The following EYS variants were observed in gnomAD, a reference collection of about 807,000 sequenced individuals.
EYS encodes protein eyes shut homolog.
A neutral mutation model predicts 282.1 loss-of-function variants in EYS; 250 were observed. The ratio of observed to expected loss-of-function variants is 0.89; its 90% CI spans 0.80 to 0.98. The LOEUF (loss-of-function observed/expected upper bound fraction) is 0.98, where lower values mean the gene tolerates loss of function less well. Ranked by LOEUF, EYS falls within the 50% of genes least tolerant of loss-of-function variation. EYS has a pLI of 0.00. For synonymous variants in EYS, 1,355 were observed against 1,282.9 expected, an observed-to-expected ratio of 1.06 and a Z score of -1.20; for missense variants, 4,016 against 3,709.0, an observed-to-expected ratio of 1.08 and a Z score of -2.15.
intron 12 of EYS, among the ~76,000 whole-genome samples, chr6:65,172,937 T>G (rs1765139194): frequency 6.6e-6 from 1 of 150,898 alleles, no homozygotes; most frequent in South Asian, 2.1e-4. Context: ...CAAATTTGTG[T>G]TGCACTGGTT....
At chr6:65,091,332 C>T (rs1384119582) in intron 12 of EYS, among the ~76,000 whole-genome samples, 1 of 149,720 alleles carries the variant, frequency 6.7e-6, no homozygotes, top group Non-Finnish European at 1.5e-5. Context: ...CACCTGTAAT[C>T]CCAGCTACTC....
rs577968748 is a variant in EYS, at chr6:64,920,075, AT to A, written c.2382-7333del. 1.3e-3 allele frequency among the ~76,000 whole-genome samples: 195 copies of A among 144,824 alleles called. 1 individual carries two copies. Among genetic ancestry groups the A allele is most frequent in the Admixed American group, 3.5e-3 (50 of 14,420 alleles). On this transcript the variant is annotated intron_variant, in intron 15 of 42. Transcript: ENST00000503581. Reference sequence around the variant, plus strand: ...GATGCCATATAGTGAGATTAGTTTCATTTTTTTTTTTTGTCATTGTGGTCAT... The same window carrying A: ...GATGCCATATAGTGAGATTAGTTTCATTTTTTTTTTTGTCATTGTGGTCAT...
At chr6:65,087,561 A>T (rs1323010495) in intron 12 of EYS, among the ~76,000 whole-genome samples, 1 of 152,088 alleles carries the variant, frequency 6.6e-6, no homozygotes, top group African/African-American at 2.4e-5. Flanking sequence ...ATTAATTGGA[A>T]GACTCAGCTG....
intron 30 of EYS, among the ~76,000 whole-genome samples, chr6:64,293,135 A>C (rs1185303778): frequency 2.6e-5 from 4 of 152,128 alleles, no homozygotes; most frequent in Non-Finnish European, 5.9e-5. Flanking sequence ...CAGAATTTGC[A>C]CATGGAATAA....
At chr6:64,793,372 A>G (rs1159462153) in intron 22 of EYS, among the ~76,000 whole-genome samples, 2 of 152,156 alleles carry the variant, frequency 1.3e-5, no homozygotes, top group East Asian at 3.8e-4. Flanking sequence ...AAAATTAAGT[A>G]TGACCTGGGA....
chr6:65,413,749 G>T (rs932809480), intron 5 of EYS, among the ~76,000 whole-genome samples: 10 of 151,888 alleles, frequency 6.6e-5, no homozygotes, highest in African/African-American at 2.4e-4. Flanking sequence ...CCTGCTACTC[G>T]GAAGGCTGAG....
intron 30 of EYS, among the ~76,000 whole-genome samples, chr6:64,258,456 A>G (rs553873536): frequency 1.3e-5 from 2 of 152,192 alleles, no homozygotes; most frequent in African/African-American, 4.8e-5. Context: ...ACTTTGTGCT[A>G]TAGCATGTTA....
intron 26 of EYS, among the ~76,000 whole-genome samples, chr6:64,568,764 C>T (rs757974848): frequency 6.6e-6 from 1 of 152,032 alleles, no homozygotes; most frequent in African/African-American, 2.4e-5. Flanking sequence ...CCTCTTTAGA[C>T]GAAGCTTCCA....
At chr6:64,170,033 A>G (rs979050502) in intron 31 of EYS, among the ~76,000 whole-genome samples, 6 of 152,160 alleles carry the variant, frequency 3.9e-5, no homozygotes, top group African/African-American at 1.4e-4. Flanking sequence ...TCTTTGAAGT[A>G]TGGCCAGGCT....
chr6:65,129,913 A>T (rs1775822960), intron 12 of EYS, among the ~76,000 whole-genome samples: 1 of 151,930 alleles, frequency 6.6e-6, no homozygotes, highest in Admixed American at 6.6e-5. Flanking sequence ...AACCCAGGGT[A>T]TATCAACAGT....
chr6:64,013,915 C>A (rs1768763364), intron 33 of EYS, among the ~76,000 whole-genome samples: 1 of 151,998 alleles, frequency 6.6e-6, no homozygotes, highest in African/African-American at 2.4e-5. Flanking sequence ...AAGAATATTA[C>A]CCTAAAACCT....
chr6:65,436,076 T>C (rs1461907976), intron 5 of EYS, among the ~76,000 whole-genome samples: 2 of 152,112 alleles, frequency 1.3e-5, no homozygotes, highest in East Asian at 1.9e-4. Context: ...AAACAGAGCA[T>C]TTTATTTTAA....
At chr6:64,875,557 A>C (rs1346049612) in intron 19 of EYS, among the ~76,000 whole-genome samples, 1 of 152,048 alleles carries the variant, frequency 6.6e-6, no homozygotes, top group African/African-American at 2.4e-5. Context: ...CTCCCTCTTG[A>C]GGGTCTTTTT....
intron 12 of EYS, among the ~76,000 whole-genome samples, chr6:65,089,374 C>G (rs1485031862): frequency 6.6e-6 from 1 of 152,178 alleles, no homozygotes; most frequent in Non-Finnish European, 1.5e-5. Context: ...CTTGCATCAG[C>G]ATGACCTAGA....
At chr6:64,193,045 C>T (rs1045216729) in intron 31 of EYS, among the ~76,000 whole-genome samples, 1 of 152,142 alleles carries the variant, frequency 6.6e-6, no homozygotes, top group African/African-American at 2.4e-5. Context: ...TAATTAATTT[C>T]TGGAAACAAA....
chr6:64,293,646 A>T (rs1049555426), intron 30 of EYS, among the ~76,000 whole-genome samples: 7 of 152,132 alleles, frequency 4.6e-5, no homozygotes, highest in African/African-American at 1.7e-4. Context: ...TGTAAATGCT[A>T]TGTTTCTTGT....
At chr6:63,897,473 A>G (rs915341863) in intron 35 of EYS, among the ~76,000 whole-genome samples, 1 of 152,178 alleles carries the variant, frequency 6.6e-6, no homozygotes. Context: ...ACAGAGATAG[A>G]GATTGGAGTG....
At chr6:65,485,721 C>T (rs762591790) in intron 5 of EYS, among the ~76,000 whole-genome samples, 1 of 152,106 alleles carries the variant, frequency 6.6e-6, no homozygotes, top group Non-Finnish European at 1.5e-5. Flanking sequence ...AGGCAACTCA[C>T]TGGAGCTTTG....
Position 65,484,143 on chromosome 6 carries a change from A to C in EYS, c.862+6451T>G, listed in dbSNP as rs1354768635. 2.0e-5 allele frequency among the ~76,000 whole-genome samples: 3 copies of C among 152,188 alleles called. No individual in the cohort carries two copies. In the East Asian group the frequency reaches 5.8e-4, roughly 29 times the overall value. ...TGTACATCTCAAAATATTTCAAAAA[A>C]AAAAAACCCTATTATAGTTACCAAA... On this transcript the variant is annotated intron_variant, in intron 5 of 42. Transcript: ENST00000503581.
Sources: allele counts gnomAD v4.1 joint callset (sites outside exome capture counted in the v4.1 genomes callset), GRCh38; gene constraint gnomAD v4.1.1; transcripts MANE v1.5; gene names NCBI Gene and HGNC (gene_info 2026-07-23, HGNC 2026-07-21).